Variants in METTL15 observed in about 807,000 individuals in gnomAD.
METTL15 encodes the protein 12S rRNA N(4)-cytidine methyltransferase METTL15.
Under a neutral mutation model 38.3 loss-of-function variants are expected in METTL15, and 34 were observed. The ratio of observed to expected loss-of-function variants is 0.89; its 90% CI spans 0.68 to 1.18. METTL15 has a LOEUF of 1.18. Ranked by LOEUF, METTL15 falls within the 50% of genes most tolerant of loss-of-function variation. METTL15 has a pLI of 0.00. For missense variants in METTL15, 438 were observed against 498.4 expected, an observed-to-expected ratio of 0.88 and a Z score of 1.15; for synonymous variants, 162 against 170.9, an observed-to-expected ratio of 0.95 and a Z score of 0.41.
intron 3 of METTL15, among the ~76,000 whole-genome samples, chr11:28,159,574 T>G (rs1005323931): frequency 1.3e-5 from 2 of 152,180 alleles, no homozygotes; most frequent in Non-Finnish European, 2.9e-5. Flanking sequence ...ATGAAGACTG[T>G]AATTATCATG....
At chr11:28,343,960 G>A (rs1849976946) in intron 3 of METTL15, among the ~76,000 whole-genome samples, 1 of 152,082 alleles carries the variant, frequency 6.6e-6, no homozygotes, top group South Asian at 2.1e-4. Context: ...AATGAATGAA[G>A]TTTTCTTCCA....
At chr11:28,310,941 G>C (rs1336576206) in intron 6 of METTL15, among the ~76,000 whole-genome samples, 3 of 141,814 alleles carry the variant, frequency 2.1e-5, no homozygotes, top group Non-Finnish European at 3.1e-5. Context: ...GGTGGTGGTG[G>C]TGGTGGTGGT....
chr11:28,235,602 C>G (rs1853920782), intron 4 of METTL15, among the ~76,000 whole-genome samples: 1 of 152,152 alleles, frequency 6.6e-6, no homozygotes, highest in African/African-American at 2.4e-5. Context: ...ATTTGGCTCT[C>G]TGTTTGTCTG....
At chr11:28,396,615 T>C (rs1450743426) in intron 5 of METTL15, among the ~76,000 whole-genome samples, 2 of 152,030 alleles carry the variant, frequency 1.3e-5, no homozygotes, top group Admixed American at 1.3e-4. Context: ...GGAAGAATAT[T>C]CCATGCTCAT....
chr11:28,430,192 T>A (rs1820696640), intron 6 of METTL15, among the ~76,000 whole-genome samples: 3 of 151,372 alleles, frequency 2.0e-5, no homozygotes, highest in Admixed American at 1.3e-4. Flanking sequence ...GAGGAGCGTC[T>A]CCACCCGGCA....
chr11:28,189,602 C>G (rs1347720235), intron 3 of METTL15, among the ~76,000 whole-genome samples: 1 of 151,094 alleles, frequency 6.6e-6, no homozygotes, highest in East Asian at 1.9e-4. Flanking sequence ...GTAAATAACA[C>G]AGGCCAGTTT....
In METTL15 at chr11:28,166,918, C is replaced by T. The variant is rs537645011; in HGVS notation, c.271-44144C>T. Among the ~76,000 whole-genome samples, 4 of 152,260 alleles carry T rather than the reference C, an allele frequency of 2.6e-5. No homozygotes were observed. The East Asian group carries it at 7.7e-4, about 29-fold the overall frequency. On this transcript the variant is annotated intron_variant, in intron 3 of 6. Coordinates refer to ENST00000407364, the MANE Select transcript of METTL15 (RefSeq NM_001113528.2). ...GAGTCAAGATCGTGCCAGTGCACTC[C>T]AGCCTGTGTGACAGAGTGAGACTCC...
intron 6 of METTL15, among the ~76,000 whole-genome samples, chr11:28,519,811 C>T (rs1236234820): frequency 6.6e-6 from 1 of 152,132 alleles, no homozygotes; most frequent in East Asian, 1.9e-4. Context: ...CAACCACCTT[C>T]TTGTTATAGA....
intron 3 of METTL15, among the ~76,000 whole-genome samples, chr11:28,116,238 A>C (rs1225824789): frequency 6.6e-6 from 1 of 152,082 alleles, no homozygotes; most frequent in Non-Finnish European, 1.5e-5. Context: ...ATGTTGGTTG[A>C]TATAATATTG....
chr11:28,126,534 C>T (rs1363627912), intron 3 of METTL15, among the ~76,000 whole-genome samples: 1 of 151,998 alleles, frequency 6.6e-6, no homozygotes, highest in Non-Finnish European at 1.5e-5. Context: ...AAAGGTCCTA[C>T]AGAAAGAGAC....
intron 4 of METTL15, among the ~76,000 whole-genome samples, chr11:28,246,741 A>G (rs1009111914): frequency 1.2e-4 from 18 of 152,102 alleles, no homozygotes; most frequent in African/African-American, 4.3e-4. Flanking sequence ...ATCTCCTACT[A>G]AGGTATATTA....
chr11:28,511,126 A>G (rs1851670363), intron 6 of METTL15, among the ~76,000 whole-genome samples: 1 of 152,170 alleles, frequency 6.6e-6, no homozygotes, highest in Non-Finnish European at 1.5e-5. Flanking sequence ...ACTCATATAC[A>G]CACATTCTCT....
chr11:28,416,834 A>C (rs1850776438), intron 5 of METTL15, among the ~76,000 whole-genome samples: 1 of 152,198 alleles, frequency 6.6e-6, no homozygotes, highest in Non-Finnish European at 1.5e-5. Flanking sequence ...AACAGGGTAG[A>C]AACTTAGCTG....
At chr11:28,162,302 T>G (rs1042711933) in intron 3 of METTL15, among the ~76,000 whole-genome samples, 1 of 152,036 alleles carries the variant, frequency 6.6e-6, no homozygotes, top group African/African-American at 2.4e-5. Context: ...AAGAATAAAT[T>G]AGAGTGTACA....
intron 3 of METTL15, among the ~76,000 whole-genome samples, chr11:28,341,082 A>G (rs952103146): frequency 6.6e-6 from 1 of 152,176 alleles, no homozygotes; most frequent in East Asian, 1.9e-4. Context: ...AGAAAACCAA[A>G]CACCACATGT....
At chr11:28,150,818 A>G (rs1360765929) in intron 3 of METTL15, among the ~76,000 whole-genome samples, 1 of 151,724 alleles carries the variant, frequency 6.6e-6, no homozygotes, top group African/African-American at 2.4e-5. Flanking sequence ...TTATTTATCA[A>G]AGGTATTCTC....
chr11:28,358,482 A>G (rs1183631211), intron 4 of METTL15, among the ~76,000 whole-genome samples: 1 of 152,232 alleles, frequency 6.6e-6, no homozygotes, highest in East Asian at 1.9e-4. Flanking sequence ...ACAGAGAAGA[A>G]GTGTCCCATG....
chr11:28,169,355 G>T (rs1850770878), intron 3 of METTL15, among the ~76,000 whole-genome samples: 1 of 152,074 alleles, frequency 6.6e-6, no homozygotes, highest in African/African-American at 2.4e-5. Flanking sequence ...TCAAATATTT[G>T]AAAGCTTTAG....
chr11:28,337,660 T>C (rs1849913462), downstream of METTL15, among the ~76,000 whole-genome samples: 1 of 152,184 alleles, frequency 6.6e-6, no homozygotes, highest in South Asian at 2.1e-4. Context: ...CTATTCATAG[T>C]AAGTGCACCT....
Sources: gnomAD v4.1 joint callset for allele counts (sites outside exome capture counted in the v4.1 genomes callset) on GRCh38, gnomAD v4.1.1 for gene constraint, MANE v1.5 for transcripts, NCBI Gene and HGNC (gene_info 2026-07-23, HGNC 2026-07-21) for gene names.